ULK4: variants seen among roughly 807,000 people sequenced by gnomAD.
The protein encoded by ULK4 is inactive serine/threonine-protein kinase ULK4.
In ULK4, 133 loss-of-function variants were observed where a neutral mutation model predicts 160.6. That is an observed-to-expected ratio of 0.83 (90% CI 0.72 to 0.96). ULK4 has a LOEUF of 0.96. Among genes scored for constraint, ULK4 ranks in the 40% least tolerant of loss-of-function variants. The pLI is 0.00. For missense variants in ULK4, 1,580 were observed against 1,499.5 expected (o/e 1.05, Z -0.89); for synonymous variants, 534 against 539.8 (o/e 0.99, Z 0.15).
intron 2 of ULK4, among the ~76,000 whole-genome samples, chr3:41,939,407 G>A (rs1170219573): frequency 7.2e-5 from 11 of 152,112 alleles, no homozygotes; most frequent in East Asian, 5.8e-4. Context: ...TGATCCACCC[G>A]CCTTGGCCTC....
chr3:41,534,692 A>C (rs4580521), intron 32 of ULK4, among the ~76,000 whole-genome samples: 50,605 of 151,886 alleles, frequency 0.33, 8,723 homozygotes, highest in African/African-American at 0.4. Flanking sequence ...CTAAGATGCC[A>C]CTGATCATAA....
intron 19 of ULK4, among the ~76,000 whole-genome samples, chr3:41,809,909 A>G (rs1575748214): frequency 1.3e-5 from 2 of 152,226 alleles, no homozygotes; most frequent in African/African-American, 4.8e-5. Flanking sequence ...TTAGTATACA[A>G]TAGAAAACAT....
chr3:41,319,958 C>G (rs993869356), intron 35 of ULK4, among the ~76,000 whole-genome samples: 3 of 152,200 alleles, frequency 2.0e-5, no homozygotes, highest in Non-Finnish European at 4.4e-5. Context: ...ATAGTTTCTT[C>G]ACGTACAAAA....
intron 32 of ULK4, among the ~76,000 whole-genome samples, chr3:41,526,140 T>G (rs2086109162): frequency 6.6e-6 from 1 of 152,186 alleles, no homozygotes; most frequent in Non-Finnish European, 1.5e-5. Context: ...ACTCTTTTTT[T>G]CTAGAGTGAG....
At chr3:41,461,247 T>C (rs2083677118) in intron 33 of ULK4, among the ~76,000 whole-genome samples, 1 of 152,208 alleles carries the variant, frequency 6.6e-6, no homozygotes, top group South Asian at 2.1e-4. Context: ...CTCTCAATTC[T>C]TCTACTTTTA....
intron 19 of ULK4, among the ~76,000 whole-genome samples, chr3:41,805,083 A>G (rs1219020461): frequency 6.6e-6 from 1 of 152,136 alleles, no homozygotes; most frequent in Non-Finnish European, 1.5e-5. Flanking sequence ...CAGTATGGCC[A>G]TTTTCACGAT....
chr3:41,393,123 T>G (rs2125809492), intron 35 of ULK4, among the ~76,000 whole-genome samples: 1 of 152,256 alleles, frequency 6.6e-6, no homozygotes, highest in East Asian at 1.9e-4. Context: ...TAACACGAGC[T>G]CCCAATATGG....
At chr3:41,524,376 C>T (rs2086038006) in intron 32 of ULK4, among the ~76,000 whole-genome samples, 1 of 152,172 alleles carries the variant, frequency 6.6e-6, no homozygotes, top group African/African-American at 2.4e-5. Flanking sequence ...ACTCCTCCAC[C>T]TTCTTTCTCC....
rs1013823834 is a variant in ULK4 at position 41,444,926 on chromosome 3, T to C, written c.3492+10571A>G. Reference sequence around the variant, plus strand: ...GGTATTCAATTAAGAAAAGAGGAATTCAAATTGTCCCTGTTTGAAGATGAC... The same window carrying C: ...GGTATTCAATTAAGAAAAGAGGAATCCAAATTGTCCCTGTTTGAAGATGAC... On this transcript the variant is annotated intron_variant, in intron 34 of 36. Transcript: ENST00000301831. 1.1e-4 allele frequency among the ~76,000 whole-genome samples: 16 copies of C among 152,176 alleles called. No homozygotes were observed. The Middle Eastern group carries it at 0.01, about 97-fold the overall frequency.
At chr3:41,814,950 C>T (rs1456010911) in intron 19 of ULK4, among the ~76,000 whole-genome samples, 1 of 147,380 alleles carries the variant, frequency 6.8e-6, no homozygotes, top group Non-Finnish European at 1.5e-5. Flanking sequence ...GTTCTGTTGC[C>T]CAGGCTGGAG....
intron 35 of ULK4, among the ~76,000 whole-genome samples, chr3:41,313,815 C>T (rs527263118): frequency 1.3e-5 from 2 of 152,224 alleles, no homozygotes; most frequent in South Asian, 2.1e-4. Context: ...GAATACAGAC[C>T]GGGCTTAGGG....
intron 35 of ULK4, among the ~76,000 whole-genome samples, chr3:41,306,253 C>T (rs1440466537): frequency 1.3e-4 from 15 of 113,564 alleles, no homozygotes; most frequent in Admixed American, 3.2e-4. Context: ...CCAGCCGCCC[C>T]GTCCGGGAGG....
chr3:41,947,117 G>A (rs1296136249), intron 2 of ULK4, among the ~76,000 whole-genome samples: 2 of 152,174 alleles, frequency 1.3e-5, no homozygotes, highest in Non-Finnish European at 2.9e-5. Flanking sequence ...CACAAGGTCG[G>A]GAGATCGAGA....
chr3:41,548,744 T>A (rs112319143), intron 32 of ULK4, among the ~76,000 whole-genome samples: 3,054 of 137,626 alleles, frequency 0.022, 109 homozygotes, highest in African/African-American at 0.079. Flanking sequence ...CTACAGTCAC[T>A]AATACTGGTG....
chr3:41,940,031 T>TG (rs1209246179), intron 2 of ULK4, among the ~76,000 whole-genome samples: 5 of 149,822 alleles, frequency 3.3e-5, no homozygotes, highest in Non-Finnish European at 5.9e-5. Context: ...TTTTTGTTGT[T>TG]TTTTTTTTTA....
chr3:41,705,371 T>C (rs2036839991), intron 25 of ULK4, 66 bp from the exon 26 acceptor site: 1 of 1,329,242 alleles, frequency 7.5e-7, no homozygotes, highest in East Asian at 2.5e-5. Flanking sequence ...TATAGGTAGT[T>C]TACATTTTGC....
intron 17 of ULK4, among the ~76,000 whole-genome samples, chr3:41,881,455 G>A (rs1441960321): frequency 6.6e-6 from 1 of 152,102 alleles, no homozygotes; most frequent in East Asian, 1.9e-4. Flanking sequence ...AATTATCACA[G>A]CCAATTGCTC....
chr3:41,538,404 C>T (rs906614943), intron 32 of ULK4, among the ~76,000 whole-genome samples: 1 of 152,008 alleles, frequency 6.6e-6, no homozygotes, highest in African/African-American at 2.4e-5. Flanking sequence ...CTTGAAATGG[C>T]AGGCAACAGC....
intron 22 of ULK4, among the ~76,000 whole-genome samples, chr3:41,753,674 A>G (rs1244373304): frequency 6.6e-6 from 1 of 152,174 alleles, no homozygotes; most frequent in Non-Finnish European, 1.5e-5. Flanking sequence ...GAATCTTACA[A>G]TAAGGAAAAT....
Sources: gnomAD v4.1 joint callset for allele counts (sites outside exome capture counted in the v4.1 genomes callset) on GRCh38, gnomAD v4.1.1 for gene constraint, MANE v1.5 for transcripts, NCBI Gene and HGNC (gene_info 2026-07-23, HGNC 2026-07-21) for gene names.